Variants in EPB41L5 observed in about 807,000 individuals in gnomAD.
The protein encoded by EPB41L5 is erythrocyte membrane protein band 4.1 like 5.
Under a neutral mutation model 106.6 loss-of-function variants are expected in EPB41L5, and 55 were observed. The ratio of observed to expected loss-of-function variants is 0.52; its 90% CI spans 0.42 to 0.65. The LOEUF (loss-of-function observed/expected upper bound fraction) is 0.65, where lower values mean the gene tolerates loss of function less well. Among genes scored for constraint, EPB41L5 ranks in the 30% least tolerant of loss-of-function variants. The pLI, the probability that EPB41L5 is intolerant of heterozygous loss-of-function variation, is 0.00. For missense variants in EPB41L5, 871 were observed against 882.1 expected (o/e 0.99, Z 0.16); for synonymous variants, 297 against 306.7 (o/e 0.97, Z 0.33).
intron 3 of EPB41L5, among the ~76,000 whole-genome samples, chr2:120,048,655 G>T (rs1679998085): frequency 6.6e-6 from 1 of 151,792 alleles, no homozygotes; most frequent in Non-Finnish European, 1.5e-5. Context: ...ATCTCCTTCA[G>T]TTCTGCTCTG....
chr2:120,167,946 A>G lies in EPB41L5; in HGVS notation c.2074A>G (p.Asn692Asp). The stretch of plus-strand genomic sequence containing the variant: ...TTTGACAGGGAAGGAGGGACATGGT[A>G]ATAAAGATGGAATCTCACTGATCTC... ...MLLTGKEGHGNKDGISLISPP... is the reference protein window; with the variant it reads ...MLLTGKEGHGDKDGISLISPP... Residue 692 changes from asparagine to aspartate, a missense_variant, in exon 24 of 25, where the codon AAT (asparagine) becomes GAT (aspartate). Transcript: ENST00000263713. 6 of 1,614,150 alleles carry G rather than the reference A, an allele frequency of 3.7e-6. No individual in the cohort carries two copies. Among genetic ancestry groups the G allele is most frequent in the Middle Eastern group, 1.6e-4 (1 of 6,062 alleles).
intron 19 of EPB41L5, among the ~76,000 whole-genome samples, chr2:120,143,969 T>C (rs985681504): frequency 6.6e-6 from 1 of 152,162 alleles, no homozygotes; most frequent in Non-Finnish European, 1.5e-5. Flanking sequence ...AGTACCTACC[T>C]TAAGCTGGGT....
chr2:120,042,567 C>T (rs1679467707), intron 3 of EPB41L5, among the ~76,000 whole-genome samples: 1 of 152,108 alleles, frequency 6.6e-6, no homozygotes, highest in African/African-American at 2.4e-5. Flanking sequence ...AGTGGTACTT[C>T]GACATGCATT....
chr2:120,120,782 G>C lies in EPB41L5; in HGVS notation c.1338-6906G>C, dbSNP rs192461674. On this transcript the variant is annotated intron_variant, in intron 16 of 24. Transcript: ENST00000263713. The stretch of plus-strand genomic sequence containing the variant: ...GAAAAACTGCAAGGGAAATGGGAAA[G>C]AGACTGTTCCAGCTTTTTCTTCTTA... 2.6e-3 allele frequency among the ~76,000 whole-genome samples: 397 copies of C among 152,318 alleles called. 9 individuals are homozygous for C. Among genetic ancestry groups the C allele is most frequent in the Admixed American group, 0.025 (379 of 15,294 alleles).
intron 3 of EPB41L5, among the ~76,000 whole-genome samples, chr2:120,055,178 T>C (rs1680563924): frequency 6.6e-6 from 1 of 152,174 alleles, no homozygotes; most frequent in Non-Finnish European, 1.5e-5. Context: ...CATTGATCTT[T>C]ATGTTGATCC....
chr2:120,168,038 T>C (rs772951079), intron 24 of EPB41L5, 31 bp downstream of exon 24: 2 of 1,611,498 alleles, frequency 1.2e-6, no homozygotes, highest in Non-Finnish European at 1.7e-6. Flanking sequence ...TTGCAGTTCT[T>C]AGGCATCTGT....
Position 120,151,303 on chromosome 2 carries a change from A to T in EPB41L5, c.1793+5014A>T, listed in dbSNP as rs1254558061. Among the ~76,000 whole-genome samples, 6 of 151,948 alleles carry T rather than the reference A, an allele frequency of 3.9e-5. No homozygotes were observed. In the East Asian group the frequency reaches 7.7e-4, roughly 20 times the overall value. ...CGACGGAGCGAGACTCCATCTCAAA[A>T]AATAATAATAATAATAATAATGCAG... is the stretch of plus-strand genomic sequence containing the variant. On this transcript the variant is annotated intron_variant, in intron 20 of 24. Transcript: ENST00000263713.
intron 20 of EPB41L5, among the ~76,000 whole-genome samples, chr2:120,151,356 C>T (rs956160331): frequency 6.6e-6 from 1 of 152,038 alleles, no homozygotes; most frequent in Non-Finnish European, 1.5e-5. Context: ...CTAATAAACT[C>T]AGCACAGTTG....
intron 2 of EPB41L5, among the ~76,000 whole-genome samples, chr2:120,038,889 C>A (rs1318028839): frequency 6.6e-6 from 1 of 152,206 alleles, no homozygotes; most frequent in Non-Finnish European, 1.5e-5. Context: ...TTCGTGGCAG[C>A]ATTATTCCAA....
chr2:120,143,281 G>A (rs1390004866), intron 19 of EPB41L5, 150 bp downstream of exon 19: 4 of 972,172 alleles, frequency 4.1e-6, no homozygotes, highest in South Asian at 2.3e-5. Flanking sequence ...AGGGGGATAC[G>A]AAGGCTAAAA....
chr2:120,060,529 A>G (rs913086540), intron 3 of EPB41L5, among the ~76,000 whole-genome samples: 1 of 152,232 alleles, frequency 6.6e-6, no homozygotes, highest in Non-Finnish European at 1.5e-5. Flanking sequence ...TATATATTAT[A>G]TGATTCTATG....
chr2:120,026,579 G>A (rs1185246647), intron 2 of EPB41L5, among the ~76,000 whole-genome samples: 1 of 152,166 alleles, frequency 6.6e-6, no homozygotes, highest in Non-Finnish European at 1.5e-5. Context: ...ATGTTTGCCA[G>A]GCTAGTCTTG....
chr2:120,127,919 C>A, intron 17 of EPB41L5, 68 bp downstream of exon 17: 2 of 1,344,390 alleles, frequency 1.5e-6, no homozygotes, highest in Non-Finnish European at 1.0e-6. Context: ...ATATTTAAAT[C>A]AGCTTCTCCA....
intron 3 of EPB41L5, among the ~76,000 whole-genome samples, chr2:120,063,896 C>G (rs909401806): frequency 1.3e-5 from 2 of 151,662 alleles, no homozygotes; most frequent in Non-Finnish European, 2.9e-5. Flanking sequence ...GAGGCGAGAT[C>G]GCGCCACTGC....
intron 17 of EPB41L5, among the ~76,000 whole-genome samples, chr2:120,129,258 C>T (rs1466809414): frequency 2.0e-5 from 3 of 151,702 alleles, no homozygotes; most frequent in Non-Finnish European, 4.4e-5. Context: ...ATCGCTTGAA[C>T]CTGGGAGGCA....
At chr2:120,161,074 G>T in intron 21 of EPB41L5, 100 bp downstream of exon 21, 1 of 842,276 alleles carries the variant, frequency 1.2e-6, no homozygotes, top group Non-Finnish European at 2.0e-6. Flanking sequence ...AGTGACACTG[G>T]GACTTAAGAT....
intron 5 of EPB41L5, 122 bp from the exon 6 acceptor site, chr2:120,075,354 T>A: frequency 1.3e-6 from 1 of 743,916 alleles, no homozygotes; most frequent in South Asian, 1.7e-5. Flanking sequence ...ACTATGCACA[T>A]CTTTTATACA....
intron 3 of EPB41L5, among the ~76,000 whole-genome samples, chr2:120,053,655 T>C (rs1209250778): frequency 6.6e-6 from 1 of 152,246 alleles, no homozygotes; most frequent in Non-Finnish European, 1.5e-5. Context: ...TAGCATATCT[T>C]AGTGGTTGAT....
intron 3 of EPB41L5, among the ~76,000 whole-genome samples, chr2:120,054,498 G>GT (rs767149779): frequency 0.026 from 3,634 of 140,918 alleles, 64 homozygotes; most frequent in African/African-American, 0.058. Context: ...TCTTCTAAAA[G>GT]TTTTTTTTTT....
Sources: gnomAD v4.1 joint callset for allele counts (sites outside exome capture counted in the v4.1 genomes callset) on GRCh38, gnomAD v4.1.1 for gene constraint, MANE v1.5 for transcripts, NCBI Gene and HGNC (gene_info 2026-07-23, HGNC 2026-07-21) for gene names.